RAD51B: variants seen among roughly 807,000 people sequenced by gnomAD.
RAD51B encodes the protein DNA repair protein RAD51 homolog 2.
A neutral mutation model predicts 42.2 loss-of-function variants in RAD51B; 38 were observed. The observed-to-expected ratio is 0.90, with a 90% CI of 0.70 to 1.18. RAD51B has a LOEUF of 1.18. RAD51B is among the 50% of genes most tolerant of loss of function. The probability of loss-of-function intolerance (pLI) is 0.00; values close to 1 mark genes in which losing one functional copy is unlikely to be tolerated. For missense variants in RAD51B, 373 were observed against 400.7 expected (o/e 0.93, Z 0.59); for synonymous variants, 154 against 145.2 (o/e 1.06, Z -0.43).
At chr14:68,548,858 T>C (rs977152720) in intron 10 of RAD51B, among the ~76,000 whole-genome samples, 5 of 152,162 alleles carry the variant, frequency 3.3e-5, no homozygotes, top group African/African-American at 1.2e-4. Context: ...CCCTTTTCTG[T>C]TCTCCTTTCT....
intron 7 of RAD51B, among the ~76,000 whole-genome samples, chr14:68,187,121 G>A (rs146775714): frequency 6.6e-5 from 10 of 152,172 alleles, no homozygotes; most frequent in East Asian, 1.9e-4. Flanking sequence ...ACCAAATACC[G>A]CACATTCTCA....
At chr14:68,637,673 G>C (rs1892369106) in intron 10 of RAD51B, among the ~76,000 whole-genome samples, 1 of 152,246 alleles carries the variant, frequency 6.6e-6, no homozygotes, top group African/African-American at 2.4e-5. Context: ...GGAGACAATT[G>C]TGGTAGTCAA....
intron 10 of RAD51B, among the ~76,000 whole-genome samples, chr14:68,533,860 G>C (rs992573672): frequency 6.6e-6 from 1 of 152,156 alleles, no homozygotes; most frequent in African/African-American, 2.4e-5. Context: ...GACTGTTTCA[G>C]CCTAAGCCAG....
chr14:68,432,865 G>C (rs576446234), intron 9 of RAD51B, among the ~76,000 whole-genome samples: 1 of 152,126 alleles, frequency 6.6e-6, no homozygotes, highest in Admixed American at 6.6e-5. Flanking sequence ...ACAATTTGGC[G>C]TGCTTTTGCA....
intron 4 of RAD51B, among the ~76,000 whole-genome samples, chr14:67,839,892 C>A (rs1290261449): frequency 6.6e-6 from 1 of 151,976 alleles, no homozygotes; most frequent in Non-Finnish European, 1.5e-5. Context: ...TAAACATTCC[C>A]ATCACAATTG....
chr14:68,265,274 C>T (rs576917211), intron 7 of RAD51B, among the ~76,000 whole-genome samples: 1 of 152,182 alleles, frequency 6.6e-6, no homozygotes, highest in African/African-American at 2.4e-5. Flanking sequence ...AGTTTGGTCT[C>T]TTAAGATTTA....
chr14:67,985,052 A>G (rs1375074594), intron 7 of RAD51B, among the ~76,000 whole-genome samples: 1 of 152,208 alleles, frequency 6.6e-6, no homozygotes, highest in Non-Finnish European at 1.5e-5. Context: ...ATTGGACTAG[A>G]TAATTTCCAA....
chr14:68,227,232 A>G (rs539380197), intron 7 of RAD51B, among the ~76,000 whole-genome samples: 2 of 152,328 alleles, frequency 1.3e-5, no homozygotes, highest in South Asian at 2.1e-4. Context: ...CCTTTCTTCA[A>G]ATAGTCTCTT....
intron 10 of RAD51B, among the ~76,000 whole-genome samples, chr14:68,550,148 C>G (rs961008782): frequency 6.6e-6 from 1 of 152,220 alleles, no homozygotes; most frequent in African/African-American, 2.4e-5. Context: ...GCGCCGTGCT[C>G]CCTCCTGGCC....
At chr14:68,054,568 A>G (rs1280797116) in intron 7 of RAD51B, among the ~76,000 whole-genome samples, 1 of 152,166 alleles carries the variant, frequency 6.6e-6, no homozygotes, top group East Asian at 1.9e-4. Flanking sequence ...CATTACCCTC[A>G]ATAAATTTAC....
chr14:68,444,640 C>T (rs1474474495), intron 9 of RAD51B, among the ~76,000 whole-genome samples: 2 of 152,230 alleles, frequency 1.3e-5, no homozygotes, highest in East Asian at 3.8e-4. Context: ...CCATCCAAGT[C>T]AGCTCCATGG....
intron 7 of RAD51B, among the ~76,000 whole-genome samples, chr14:68,177,623 GA>G (rs2078986040): frequency 6.6e-6 from 1 of 151,634 alleles, no homozygotes; most frequent in Non-Finnish European, 1.5e-5. Flanking sequence ...GGCCAGTGGG[GA>G]ATGAGAGAAA....
intron 3 of RAD51B, among the ~76,000 whole-genome samples, chr14:67,828,747 C>A (rs1015887763): frequency 2.9e-4 from 44 of 152,206 alleles, no homozygotes; most frequent in African/African-American, 1.1e-3. Flanking sequence ...AATAGGCAAT[C>A]CTTTCCCCAT....
intron 7 of RAD51B, among the ~76,000 whole-genome samples, chr14:68,211,694 A>C (rs1488957359): frequency 6.6e-6 from 1 of 152,202 alleles, no homozygotes; most frequent in African/African-American, 2.4e-5. Flanking sequence ...CATTGTCTCT[A>C]GGCCAAAGAC....
chr14:68,115,848 T>C (rs904711446), intron 7 of RAD51B, among the ~76,000 whole-genome samples: 1 of 152,148 alleles, frequency 6.6e-6, no homozygotes, highest in South Asian at 2.1e-4. Flanking sequence ...GAGTGGGGCA[T>C]GGTGTTCCAC....
chr14:68,073,746 A>G (rs985685818), intron 7 of RAD51B, among the ~76,000 whole-genome samples: 1 of 152,206 alleles, frequency 6.6e-6, no homozygotes, highest in Non-Finnish European at 1.5e-5. Context: ...AAATTATCTT[A>G]GCATTTGCTT....
chr14:68,562,536 A>G, intron 10 of RAD51B: 1 of 985,428 alleles, frequency 1.0e-6, no homozygotes, highest in East Asian at 1.1e-4. Flanking sequence ...ACCCACAGCC[A>G]TGTTTTGGCA....
At chr14:68,228,936 T>G (rs973140135) in intron 7 of RAD51B, among the ~76,000 whole-genome samples, 3 of 152,208 alleles carry the variant, frequency 2.0e-5, no homozygotes, top group Non-Finnish European at 2.9e-5. Flanking sequence ...ATTTTCTCAG[T>G]GACTCATCTG....
chr14:68,566,735 A>G (rs1004141273), intron 10 of RAD51B, among the ~76,000 whole-genome samples: 1 of 152,094 alleles, frequency 6.6e-6, no homozygotes, highest in African/African-American at 2.4e-5. Context: ...CACTTTCATG[A>G]TGTCACTTCT....
Sources: allele counts gnomAD v4.1 joint callset (sites outside exome capture counted in the v4.1 genomes callset), GRCh38; gene constraint gnomAD v4.1.1; transcripts MANE v1.5; gene names NCBI Gene and HGNC (gene_info 2026-07-23, HGNC 2026-07-21).